MUSK: variants seen among roughly 807,000 people sequenced by gnomAD.
MUSK encodes muscle associated receptor tyrosine kinase.
In MUSK, 55 loss-of-function variants were observed where a neutral mutation model predicts 88.7. The ratio of observed to expected loss-of-function variants is 0.62; its 90% CI spans 0.50 to 0.78. MUSK has a LOEUF of 0.78. Ranked by LOEUF, MUSK falls within the 30% of genes least tolerant of loss-of-function variation. The pLI is 0.00. For synonymous variants in MUSK, 387 were observed against 391.9 expected (o/e 0.99, Z 0.15); for missense variants, 1,015 against 1,074.3 (o/e 0.94, Z 0.77).
At chr9:110,680,366 A>C (rs889084252) in intron 1 of MUSK, among the ~76,000 whole-genome samples, 1 of 143,842 alleles carries the variant, frequency 7.0e-6, no homozygotes, top group Non-Finnish European at 1.5e-5. Context: ...TCCAAGTATG[A>C]ATTTCTTTCT....
chr9:110,689,743 T>TATATATTA (rs1417062202), intron 3 of MUSK, among the ~76,000 whole-genome samples: 1 of 74,138 alleles, frequency 1.3e-5, no homozygotes, highest in Admixed American at 2.0e-4. Flanking sequence ...ATATATAATA[T>TATATATTA]TATATATTAT....
At chr9:110,717,329 T>C (rs1486233633) in intron 5 of MUSK, among the ~76,000 whole-genome samples, 1 of 149,846 alleles carries the variant, frequency 6.7e-6, no homozygotes, top group South Asian at 2.1e-4. Context: ...TTAATATACA[T>C]ATATGATGCT....
chr9:110,684,861 GTT>G (rs892885579), intron 2 of MUSK, among the ~76,000 whole-genome samples: 1 of 152,010 alleles, frequency 6.6e-6, no homozygotes, highest in Admixed American at 6.6e-5. Flanking sequence ...AGTTCTAATA[GTT>G]TTCTGTGGAG....
At chr9:110,677,410 C>T (rs948801593) in intron 1 of MUSK, among the ~76,000 whole-genome samples, 2 of 152,192 alleles carry the variant, frequency 1.3e-5, no homozygotes, top group Admixed American at 6.5e-5. Context: ...TTTAACTTAA[C>T]GTCTCGGCAG....
chr9:110,706,940 G>A (rs1027972517), intron 5 of MUSK, among the ~76,000 whole-genome samples: 1 of 152,038 alleles, frequency 6.6e-6, no homozygotes, highest in Admixed American at 6.6e-5. Context: ...GGAGGTGGAG[G>A]TTGCAGTGAG....
At position 110,764,716 on chromosome 9, in the gene MUSK, C is replaced by A. The variant is rs72756539; in HGVS notation, c.920+2508C>A. On this transcript the variant is annotated intron_variant, in intron 8 of 14. Transcript: ENST00000374448. ...CACTGATATAATACCAAAGCCAAGTCCTTAATTATTCCAGGAACATCATAG... is the reference window on the plus strand; with the variant it reads ...CACTGATATAATACCAAAGCCAAGTACTTAATTATTCCAGGAACATCATAG... Among the ~76,000 whole-genome samples, 43 of 152,070 alleles carry A rather than the reference C, an allele frequency of 2.8e-4. 1 individual carries two copies. Among genetic ancestry groups the A allele is most frequent in the Admixed American group, 2.8e-3 (43 of 15,272 alleles).
At chr9:110,703,592 A>C (rs2076559086) in intron 5 of MUSK, among the ~76,000 whole-genome samples, 1 of 152,052 alleles carries the variant, frequency 6.6e-6, no homozygotes, top group African/African-American at 2.4e-5. Flanking sequence ...ATAATTAAAC[A>C]CAATTTTAAC....
intron 5 of MUSK, among the ~76,000 whole-genome samples, chr9:110,711,478 G>C (rs929922104): frequency 2.0e-5 from 3 of 152,120 alleles, no homozygotes; most frequent in Admixed American, 6.6e-5. Flanking sequence ...TTCATGGCAG[G>C]CCAAGATCCT....
intron 3 of MUSK, among the ~76,000 whole-genome samples, chr9:110,690,366 A>T (rs562094363): frequency 2.9e-5 from 3 of 104,956 alleles, no homozygotes; most frequent in African/African-American, 1.2e-4. Flanking sequence ...ATAAGTATAT[A>T]CATAAATATA....
At chr9:110,737,641 A>G (rs2077046055) in intron 6 of MUSK, among the ~76,000 whole-genome samples, 1 of 152,102 alleles carries the variant, frequency 6.6e-6, no homozygotes, top group Non-Finnish European at 1.5e-5. Context: ...TTCCTTTGAT[A>G]CAGAGCTTGA....
intron 2 of MUSK, among the ~76,000 whole-genome samples, chr9:110,685,642 G>A (rs1230821100): frequency 6.6e-6 from 1 of 151,992 alleles, no homozygotes; most frequent in African/African-American, 2.4e-5. Context: ...TTTCCCAGTA[G>A]CATGCTCCTC....
In MUSK at chr9:110,685,500, C is replaced by T. The variant is rs560101973; in HGVS notation, c.207-1617C>T. On this transcript the variant is annotated intron_variant, in intron 2 of 14. Transcript: ENST00000374448. Reference sequence around the variant, plus strand: ...GAAAAAAGAAATGAGGCCGCAGCTTCGACACATTTCTTAGAAATTTCCTCA... The same window carrying T: ...GAAAAAAGAAATGAGGCCGCAGCTTTGACACATTTCTTAGAAATTTCCTCA... 2.6e-5 allele frequency among the ~76,000 whole-genome samples: 4 copies of T among 152,218 alleles called. No individual in the cohort carries two copies. In the South Asian group the frequency reaches 8.3e-4, roughly 32 times the overall value.
intron 7 of MUSK, among the ~76,000 whole-genome samples, chr9:110,756,830 A>C (rs1178618053): frequency 6.6e-6 from 1 of 151,704 alleles, no homozygotes; most frequent in Non-Finnish European, 1.5e-5. Flanking sequence ...TCCAAGGAAA[A>C]ATGTCAAGTT....
intron 13 of MUSK, among the ~76,000 whole-genome samples, chr9:110,786,137 C>T (rs777386228): frequency 4.0e-5 from 6 of 150,862 alleles, no homozygotes; most frequent in Admixed American, 4.0e-4. Flanking sequence ...ATGGCGAAAC[C>T]CCGTCTCTAC....
At chr9:110,713,622 G>C (rs1484299920) in intron 5 of MUSK, among the ~76,000 whole-genome samples, 1 of 152,098 alleles carries the variant, frequency 6.6e-6, no homozygotes, top group East Asian at 1.9e-4. Context: ...GGAACCTATG[G>C]TTTGGAGGCA....
intron 7 of MUSK, among the ~76,000 whole-genome samples, chr9:110,751,181 A>G (rs187084402): frequency 2.6e-5 from 4 of 152,308 alleles, no homozygotes; most frequent in South Asian, 2.1e-4. Flanking sequence ...GATTGCCACC[A>G]TACTATATGC....
At chr9:110,689,397 G>A (rs1385911515) in intron 3 of MUSK, among the ~76,000 whole-genome samples, 31 of 104,098 alleles carry the variant, frequency 3.0e-4, no homozygotes, top group African/African-American at 1.3e-3. Context: ...ATAAAAATAT[G>A]TGAAAAATAC....
intron 1 of MUSK, among the ~76,000 whole-genome samples, chr9:110,669,480 A>G (rs1048967588): frequency 3.9e-5 from 6 of 152,214 alleles, no homozygotes; most frequent in African/African-American, 1.4e-4. Flanking sequence ...GAAATACAGA[A>G]AGACGTACAC....
At chr9:110,670,914 G>A (rs1471312590) in intron 1 of MUSK, among the ~76,000 whole-genome samples, 2 of 152,050 alleles carry the variant, frequency 1.3e-5, no homozygotes, top group East Asian at 3.9e-4. Flanking sequence ...AATTTTAAAT[G>A]TTGAAGGGTG....
Sources: allele counts gnomAD v4.1 joint callset (sites outside exome capture counted in the v4.1 genomes callset), GRCh38; gene constraint gnomAD v4.1.1; transcripts MANE v1.5; gene names NCBI Gene and HGNC (gene_info 2026-07-23, HGNC 2026-07-21).